NBEA: variants seen among roughly 807,000 people sequenced by gnomAD.
The protein encoded by NBEA is neurobeachin.
In NBEA, 44 loss-of-function variants were observed where a neutral mutation model predicts 343.4. The observed-to-expected ratio is 0.13, with a 90% CI of 0.10 to 0.16. NBEA has a LOEUF of 0.16. Among genes scored for constraint, NBEA ranks in the 10% least tolerant of loss-of-function variants. The probability of loss-of-function intolerance (pLI) is 1.00; values close to 1 mark genes in which losing one functional copy is unlikely to be tolerated. For synonymous variants in NBEA, 1,175 were observed against 1,238.7 expected, an observed-to-expected ratio of 0.95 and a Z score of 1.08; for missense variants, 2,555 against 3,631.3, an observed-to-expected ratio of 0.70 and a Z score of 7.62.
At chr13:35,658,070 T>A (rs932900159) in intron 55 of NBEA, among the ~76,000 whole-genome samples, 1 of 152,270 alleles carries the variant, frequency 6.6e-6, no homozygotes, top group Admixed American at 6.5e-5. Flanking sequence ...TACAATAATA[T>A]TTAAATTATT....
chr13:35,070,694 TA>T (rs1227019894), intron 9 of NBEA, 24 bp from the exon 10 acceptor site: 1 of 1,552,970 alleles, frequency 6.4e-7, no homozygotes, highest in South Asian at 1.2e-5. Flanking sequence ...AGAAGTTTAA[TA>T]AACATTTTTG....
At chr13:35,281,274 A>C (rs891833497) in intron 34 of NBEA, among the ~76,000 whole-genome samples, 1 of 152,166 alleles carries the variant, frequency 6.6e-6, no homozygotes, top group South Asian at 2.1e-4. Context: ...TTTCATTCCT[A>C]TGAATGAATG....
intron 41 of NBEA, among the ~76,000 whole-genome samples, chr13:35,517,189 C>T (rs539304711): frequency 3.9e-5 from 6 of 152,242 alleles, no homozygotes; most frequent in Admixed American, 3.9e-4. Context: ...TTGCCAAGTC[C>T]TCCGCTCCCC....
intron 31 of NBEA, among the ~76,000 whole-genome samples, chr13:35,197,022 T>C (rs962664322): frequency 6.6e-6 from 1 of 152,116 alleles, no homozygotes; most frequent in African/African-American, 2.4e-5. Flanking sequence ...ATAAAAATGA[T>C]AGTTCACAGA....
intron 38 of NBEA, among the ~76,000 whole-genome samples, chr13:35,427,930 A>G (rs936337568): frequency 6.6e-6 from 1 of 152,174 alleles, no homozygotes; most frequent in Admixed American, 6.5e-5. Flanking sequence ...GGACCCTCTG[A>G]GCCATGTGCG....
chr13:34,985,015 T>A lies in NBEA; in HGVS notation c.294+41901T>A, dbSNP rs950023208. 2.0e-5 allele frequency among the ~76,000 whole-genome samples: 3 copies of A among 151,092 alleles called. 1 individual carries two copies. The highest frequency in any genetic ancestry group is 7.3e-5 in the African/African-American group (3 of 41,354). On this transcript the variant is annotated intron_variant, in intron 1 of 58. Transcript: ENST00000379939. Reference sequence around the variant, plus strand: ...ACAATTTGACTTCTTCTTTTCCTAATTGAATATGCTTTATTTCTTTCTCTT... The same window carrying A: ...ACAATTTGACTTCTTCTTTTCCTAAATGAATATGCTTTATTTCTTTCTCTT...
chr13:35,502,495 C>T (rs1482140649), intron 41 of NBEA, among the ~76,000 whole-genome samples: 2 of 150,926 alleles, frequency 1.3e-5, no homozygotes, highest in African/African-American at 4.9e-5. Context: ...TATATTTTCC[C>T]TGGGTTTTTT....
rs1448305104 is a variant in NBEA, at chr13:35,360,168, AT to A, written c.6179+7847del. 7.2e-5 allele frequency among the ~76,000 whole-genome samples: 11 copies of A among 152,144 alleles called. No homozygotes were observed. The East Asian group carries it at 2.1e-3, about 29-fold the overall frequency. On this transcript the variant is annotated intron_variant, in intron 38 of 58. Transcript: ENST00000379939. ...TAGTCATTTCAATGACTAATTACTG[AT>A]TATTGTATTGATTATAAAAACTAGC...
intron 48 of NBEA, among the ~76,000 whole-genome samples, chr13:35,624,262 G>A (rs573017903): frequency 1.3e-5 from 2 of 152,182 alleles, no homozygotes; most frequent in East Asian, 1.9e-4. Flanking sequence ...CTAGAAATCA[G>A]TATCATTGTT....
At chr13:35,201,772 A>T (rs967664939) in intron 31 of NBEA, among the ~76,000 whole-genome samples, 2 of 152,058 alleles carry the variant, frequency 1.3e-5, no homozygotes, top group Admixed American at 1.3e-4. Flanking sequence ...CAACAGATAG[A>T]TATTTTCGAG....
At chr13:35,553,111 C>T (rs780974250) in intron 43 of NBEA, among the ~76,000 whole-genome samples, 2 of 151,912 alleles carry the variant, frequency 1.3e-5, no homozygotes, top group Non-Finnish European at 2.9e-5. Context: ...AGGCTGGTCT[C>T]GAACTCCTGG....
At chr13:35,638,957 C>G (rs1441737526) in intron 49 of NBEA, among the ~76,000 whole-genome samples, 1 of 152,196 alleles carries the variant, frequency 6.6e-6, no homozygotes, top group South Asian at 2.1e-4. Context: ...CTTAATTCTA[C>G]TTAGATTTAC....
intron 5 of NBEA, among the ~76,000 whole-genome samples, chr13:35,049,977 A>C (rs1047574793): frequency 6.6e-6 from 1 of 151,812 alleles, no homozygotes; most frequent in African/African-American, 2.4e-5. Flanking sequence ...AATGGTCCTT[A>C]AAGTCTACTT....
At chr13:35,083,885 T>C (rs951103446) in intron 10 of NBEA, among the ~76,000 whole-genome samples, 2 of 152,024 alleles carry the variant, frequency 1.3e-5, no homozygotes, top group African/African-American at 4.8e-5. Flanking sequence ...GAGGAAGATC[T>C]ACCAAGCAAA....
intron 49 of NBEA, among the ~76,000 whole-genome samples, chr13:35,631,638 T>TAAAAAAAAAAAA (rs59333937): frequency 0.019 from 2,381 of 125,978 alleles, 34 homozygotes; most frequent in East Asian, 0.054. Context: ...GTCTCCTTTG[T>TAAAAAAAAAAAA]AAAAAAAAAA....
At chr13:35,284,264 A>G (rs750771613) in intron 34 of NBEA, among the ~76,000 whole-genome samples, 6 of 152,158 alleles carry the variant, frequency 3.9e-5, no homozygotes, top group African/African-American at 7.2e-5. Flanking sequence ...TATTTTAAAG[A>G]CAGTAAGACT....
chr13:35,627,180 C>T (rs1021495007), intron 48 of NBEA, among the ~76,000 whole-genome samples: 1 of 152,184 alleles, frequency 6.6e-6, no homozygotes. Context: ...TTAGTGACCG[C>T]CGTAATTTAG....
chr13:35,099,662 C>G (rs146139307), intron 11 of NBEA, among the ~76,000 whole-genome samples: 2 of 151,914 alleles, frequency 1.3e-5, no homozygotes, highest in Non-Finnish European at 1.5e-5. Context: ...TTTCCCTGCT[C>G]TTAATATATA....
intron 10 of NBEA, among the ~76,000 whole-genome samples, chr13:35,078,820 G>T (rs1414786982): frequency 6.6e-6 from 1 of 152,136 alleles, no homozygotes; most frequent in Non-Finnish European, 1.5e-5. Context: ...TCAAGAGATC[G>T]AGAGCATCCT....
Sources: allele counts gnomAD v4.1 joint callset (sites outside exome capture counted in the v4.1 genomes callset), GRCh38; gene constraint gnomAD v4.1.1; transcripts MANE v1.5; gene names NCBI Gene and HGNC (gene_info 2026-07-23, HGNC 2026-07-21).